Variants in BLTP1 observed in about 807,000 individuals in gnomAD.
BLTP1 encodes fragile site-associated protein.
At chr4:122,216,974 A>G in the BLTP1 span, among the ~76,000 whole-genome samples, 1 of 152,138 alleles carries the variant, frequency 6.6e-6, no homozygotes, top group East Asian at 1.9e-4. Context: ...TCATTCTTCT[A>G]CTTGTGGCTT....
At chr4:122,276,890 T>G in the BLTP1 span, 1 of 985,222 alleles carries the variant, frequency 1.0e-6, no homozygotes, top group Non-Finnish European at 1.2e-6. Context: ...GGCTTTGCGT[T>G]TATCCTAATA....
the BLTP1 span, chr4:122,199,212 C>A: frequency 9.8e-7 from 1 of 1,018,738 alleles, no homozygotes. Flanking sequence ...AGTTAGCAAG[C>A]TCCCTGTCAC....
chr4:122,261,918 T>G, the BLTP1 span: 2 of 985,222 alleles, frequency 2.0e-6, no homozygotes, highest in Non-Finnish European at 2.4e-6. Context: ...TAAGCTTTTC[T>G]GCTTTTCAGA....
At chr4:122,200,896 C>T in the BLTP1 span, 4 of 1,433,418 alleles carry the variant, frequency 2.8e-6, no homozygotes, top group Non-Finnish European at 3.7e-6. Context: ...CTGTTCAGCT[C>T]AGTAGGAAAA....
At chr4:122,212,746 CT>C in the BLTP1 span, among the ~76,000 whole-genome samples, 1 of 152,054 alleles carries the variant, frequency 6.6e-6, no homozygotes, top group African/African-American at 2.4e-5. Flanking sequence ...GTAGCCATTG[CT>C]GATAGGTTAT....
the BLTP1 span, among the ~76,000 whole-genome samples, chr4:122,212,627 A>C: frequency 6.6e-6 from 1 of 152,130 alleles, no homozygotes; most frequent in Non-Finnish European, 1.5e-5. Context: ...CAAAAAAAAA[A>C]CTGATAGTAA....
At chr4:122,317,910 G>T in the BLTP1 span, among the ~76,000 whole-genome samples, 2 of 152,084 alleles carry the variant, frequency 1.3e-5, no homozygotes, top group Non-Finnish European at 2.9e-5. Flanking sequence ...TCATGAGATT[G>T]CCAAAGAGAC....
chr4:122,321,839 T>TG, the BLTP1 span, among the ~76,000 whole-genome samples: 147,615 of 151,202 alleles, frequency 0.98, 72,167 homozygotes, highest in East Asian at 1. Context: ...TCTAGGTTGT[T>TG]GGGTTGTTTT....
the BLTP1 span, chr4:122,306,066 A>G: frequency 7.6e-6 from 12 of 1,581,820 alleles, no homozygotes; most frequent in South Asian, 1.2e-5. Flanking sequence ...GTCAATCACT[A>G]CTATCCTCTG....
At chr4:122,315,074 G>C in the BLTP1 span, among the ~76,000 whole-genome samples, 6 of 152,074 alleles carry the variant, frequency 3.9e-5, no homozygotes, top group Admixed American at 1.3e-4. Flanking sequence ...TCCACCCTCA[G>C]TCATTAGAGA....
the BLTP1 span, chr4:122,255,319 C>A: frequency 2.1e-6 from 3 of 1,425,934 alleles, no homozygotes; most frequent in African/African-American, 2.8e-5. Flanking sequence ...TTAAGGAATT[C>A]TCTATTCTGT....
At chr4:122,295,172 A>T in the BLTP1 span, among the ~76,000 whole-genome samples, 1 of 152,214 alleles carries the variant, frequency 6.6e-6, no homozygotes, top group Non-Finnish European at 1.5e-5. Context: ...GAATGGAACC[A>T]ACTTGGAAAA....
At chr4:122,203,863 A>C in the BLTP1 span, 2 of 491,260 alleles carry the variant, frequency 4.1e-6, no homozygotes, top group African/African-American at 4.2e-5. Flanking sequence ...GAATAAAATA[A>C]TAAGATTTGT....
chr4:122,246,791 A>G, the BLTP1 span: 1 of 1,613,016 alleles, frequency 6.2e-7, no homozygotes, highest in Admixed American at 1.7e-5. Context: ...CAGAATTGCT[A>G]CACAGGTTCG....
the BLTP1 span, chr4:122,359,726 A>C: frequency 5.0e-6 from 8 of 1,605,498 alleles, no homozygotes; most frequent in Non-Finnish European, 6.8e-6. Flanking sequence ...CTCTTAGGTA[A>C]GTAATGAGTA....
chr4:122,249,511 A>G, the BLTP1 span: 7 of 1,613,500 alleles, frequency 4.3e-6, no homozygotes, highest in Non-Finnish European at 3.4e-6. Flanking sequence ...AATCACTGCT[A>G]TTCCTTTTGA....
chr4:122,229,101 A>G, the BLTP1 span: 1 of 1,572,210 alleles, frequency 6.4e-7, no homozygotes, highest in Non-Finnish European at 8.6e-7. Context: ...ATTTAGATGT[A>G]CAATCCTTTT....
the BLTP1 span, chr4:122,362,187 G>T: frequency 6.2e-7 from 1 of 1,613,438 alleles, no homozygotes; most frequent in Non-Finnish European, 8.5e-7. Context: ...TTATCAAAAA[G>T]CTCGGTACTG....
chr4:122,306,659 A>G, the BLTP1 span: 1 of 950,128 alleles, frequency 1.1e-6, no homozygotes, highest in Non-Finnish European at 1.3e-6. Flanking sequence ...AACGAAATAA[A>G]CATTGAGTAA....
Sources: allele counts gnomAD v4.1 joint callset (sites outside exome capture counted in the v4.1 genomes callset), GRCh38; gene constraint gnomAD v4.1.1; transcripts MANE v1.5; gene names NCBI Gene and HGNC (gene_info 2026-07-23, HGNC 2026-07-21).